Variants in EIPR1 observed in about 807,000 individuals in gnomAD.
The protein encoded by EIPR1 is EARP complex and GARP complex interacting protein 1, also known as EARP and GARP complex-interacting protein 1.
EIPR1 carries 25 observed loss-of-function variants against 48.1 expected under a neutral mutation model. That is an observed-to-expected ratio of 0.52 (90% CI 0.38 to 0.73). The LOEUF (loss-of-function observed/expected upper bound fraction) is 0.73. EIPR1 is among the 30% of genes least tolerant of loss of function. EIPR1 has a pLI of 0.00. For missense variants in EIPR1, 415 were observed against 506.2 expected (o/e 0.82, Z 1.73); for synonymous variants, 204 against 201.9 (o/e 1.01, Z -0.09).
At position 3,287,675 on chromosome 2, in the gene EIPR1, G is replaced by T. The variant is rs553648735; in HGVS notation, c.260-30220C>A. Among the ~76,000 whole-genome samples, 6 of 125,534 alleles carry T rather than the reference G, an allele frequency of 4.8e-5. No individual in the cohort carries two copies. The East Asian group carries it at 1.4e-3, about 30-fold the overall frequency. The allele number at this position is 125,534 out of a possible 152,430, so 82.4% of individuals were successfully genotyped here. ...GCTCGTTCACCACAATCCGGAAAGCGCGTTCACCACGCTCCAGAAAGCTCA... is the reference window on the plus strand; with the variant it reads ...GCTCGTTCACCACAATCCGGAAAGCTCGTTCACCACGCTCCAGAAAGCTCA... On this transcript the variant is annotated intron_variant, in intron 3 of 8. Coordinates refer to ENST00000382125, the MANE Select transcript of EIPR1 (RefSeq NM_003310.5).
chr2:3,314,606 C>G (rs1050827444), intron 3 of EIPR1, among the ~76,000 whole-genome samples: 1 of 151,872 alleles, frequency 6.6e-6, no homozygotes, highest in Non-Finnish European at 1.5e-5. Context: ...TCAGGGCCCT[C>G]GGTGGTCTCA....
In EIPR1 at chr2:3,257,380, G is replaced by A. The variant is rs775968393; in HGVS notation, c.335C>T (p.Ser112Phe). The stretch of plus-strand genomic sequence containing the variant: ...TGCAGTGCTGGATGAATCATCAGGG[G>A]ACTCGTGGCTGCCTGATTCCAATTC... ...PKELESGSHESPDDSSSTAQT... is the reference protein window; with the variant it reads ...PKELESGSHEFPDDSSSTAQT... The change falls in exon 4 of 9, where the codon TCC (serine) becomes TTC (phenylalanine). Residue 112 changes from serine to phenylalanine, a missense_variant. Physicochemically the swap from Ser to Phe is radical, Grantham distance 155. Coordinates refer to ENST00000382125, the MANE Select transcript of EIPR1 (RefSeq NM_003310.5). 32 of 1,614,076 alleles carry A rather than the reference G, an allele frequency of 2.0e-5. No individual in the cohort carries two copies. The highest frequency in any genetic ancestry group is 2.6e-5 in the Non-Finnish European group (31 of 1,180,040).
Position 3,236,570 on chromosome 2 carries a change from C to T in EIPR1, c.416+20729G>A, listed in dbSNP as rs183968952. ...GGCCAGGGAACAGAAGGGACGCAAT[C>T]GTGGGCAAGACCAGGCAGGCCAGGT... On this transcript the variant is annotated intron_variant, in intron 4 of 8. Transcript: ENST00000382125. Among the ~76,000 whole-genome samples, 59 of 152,308 alleles carry T rather than the reference C, an allele frequency of 3.9e-4. 1 individual carries two copies. Among genetic ancestry groups the T allele is most frequent in the African/African-American group, 1.1e-3 (47 of 41,572 alleles).
chr2:3,374,417 G>A (rs902748649), intron 1 of EIPR1, among the ~76,000 whole-genome samples: 1 of 151,646 alleles, frequency 6.6e-6, no homozygotes, highest in Non-Finnish European at 1.5e-5. Flanking sequence ...TACAGCAAAA[G>A]AAACTACCAA....
chr2:3,274,878 T>A (rs1207171437), intron 3 of EIPR1, among the ~76,000 whole-genome samples: 1 of 152,104 alleles, frequency 6.6e-6, no homozygotes, highest in Non-Finnish European at 1.5e-5. Flanking sequence ...ATGTTAAATA[T>A]GAATAACAAC....
intron 2 of EIPR1, among the ~76,000 whole-genome samples, chr2:3,351,004 A>ATTTTTTTT (rs71396979): frequency 1.5e-5 from 2 of 135,312 alleles, no homozygotes; most frequent in Non-Finnish European, 3.1e-5. Flanking sequence ...ATTTTGGGCG[A>ATTTTTTTT]TTTTTTTTTT....
chr2:3,210,611 T>A (rs1031833933), intron 5 of EIPR1, among the ~76,000 whole-genome samples: 5 of 147,792 alleles, frequency 3.4e-5, no homozygotes, highest in Non-Finnish European at 7.4e-5. Flanking sequence ...GTCTTCTCAC[T>A]GTTTACCTCC....
intron 4 of EIPR1, among the ~76,000 whole-genome samples, chr2:3,248,609 C>A (rs1006620915): frequency 2.8e-4 from 42 of 151,080 alleles, no homozygotes; most frequent in African/African-American, 9.7e-4. Flanking sequence ...AGAAAAAAAA[C>A]AAAAAAACTA....
intron 3 of EIPR1, among the ~76,000 whole-genome samples, chr2:3,263,850 T>TA (rs1667409099): frequency 6.6e-6 from 1 of 151,620 alleles, no homozygotes; most frequent in Non-Finnish European, 1.5e-5. Context: ...CCATTAACTT[T>TA]CTAATTAAAA....
intron 2 of EIPR1, among the ~76,000 whole-genome samples, chr2:3,354,168 G>C (rs1344272073): frequency 6.6e-6 from 1 of 152,148 alleles, no homozygotes; most frequent in African/African-American, 2.4e-5. Context: ...TAGGGATGAG[G>C]TTGTGACACA....
chr2:3,369,983 C>A (rs1572492531), intron 1 of EIPR1, among the ~76,000 whole-genome samples: 1 of 101,084 alleles, frequency 9.9e-6, no homozygotes, highest in African/African-American at 3.5e-5. Flanking sequence ...CTGGGAGGCA[C>A]CCCCCCCGTA....
chr2:3,371,405 C>G (rs574815196), intron 1 of EIPR1, among the ~76,000 whole-genome samples: 17 of 152,258 alleles, frequency 1.1e-4, no homozygotes, highest in African/African-American at 4.1e-4. Flanking sequence ...TGTAAATGCA[C>G]TAAATGCTCC....
At chr2:3,306,979 AT>A (rs1441129523) in intron 3 of EIPR1, among the ~76,000 whole-genome samples, 7 of 151,326 alleles carry the variant, frequency 4.6e-5, no homozygotes, top group Non-Finnish European at 1.0e-4. Flanking sequence ...TAATTTATTT[AT>A]TTTTTTGGAG....
chr2:3,202,686 A>C (rs1665091352), intron 5 of EIPR1, among the ~76,000 whole-genome samples: 1 of 152,246 alleles, frequency 6.6e-6, no homozygotes, highest in African/African-American at 2.4e-5. Context: ...AGCCCCCAAC[A>C]GAGCTATTCT....
intron 2 of EIPR1, among the ~76,000 whole-genome samples, chr2:3,340,654 T>C (rs529847100): frequency 3.9e-5 from 6 of 152,220 alleles, no homozygotes; most frequent in East Asian, 1.9e-4. Flanking sequence ...AGAAAAACAT[T>C]TGGCAGAAAC....
chr2:3,277,604 T>C (rs1044595047), intron 3 of EIPR1, among the ~76,000 whole-genome samples: 2 of 152,202 alleles, frequency 1.3e-5, no homozygotes, highest in African/African-American at 4.8e-5. Context: ...GGGGTGTTCA[T>C]CTGGTTCCTT....
chr2:3,352,808 C>T (rs1455382828), intron 2 of EIPR1, among the ~76,000 whole-genome samples: 2 of 152,188 alleles, frequency 1.3e-5, no homozygotes, highest in African/African-American at 2.4e-5. Flanking sequence ...ACCAGCCTGG[C>T]CAACGTGGTG....
chr2:3,314,622 C>T (rs890477757), intron 3 of EIPR1, among the ~76,000 whole-genome samples: 2 of 151,232 alleles, frequency 1.3e-5, no homozygotes, highest in East Asian at 2.0e-4. Flanking sequence ...TCTCACTCAC[C>T]GGCCAGCCTG....
chr2:3,323,762 C>T (rs957064515), intron 3 of EIPR1, among the ~76,000 whole-genome samples: 1 of 152,228 alleles, frequency 6.6e-6, no homozygotes, highest in Non-Finnish European at 1.5e-5. Context: ...TCTATGAACC[C>T]TGTTTTCTCA....
Sources: allele counts gnomAD v4.1 joint callset (sites outside exome capture counted in the v4.1 genomes callset), GRCh38; gene constraint gnomAD v4.1.1; transcripts MANE v1.5; gene names NCBI Gene and HGNC (gene_info 2026-07-23, HGNC 2026-07-21).